The following NTN4 variants were observed in gnomAD, a reference collection of about 807,000 sequenced individuals.
NTN4 encodes netrin 4.
In NTN4, 32 loss-of-function variants were observed where a neutral mutation model predicts 73.6. The ratio of observed to expected loss-of-function variants is 0.44; its 90% CI spans 0.33 to 0.58. The LOEUF is 0.58. NTN4 is among the 20% of genes least tolerant of loss of function. The probability of loss-of-function intolerance (pLI) is 0.04; values close to 1 mark genes in which losing one functional copy is unlikely to be tolerated. For missense variants in NTN4, 654 were observed against 798.3 expected (o/e 0.82, Z 2.18); for synonymous variants, 258 against 287.5 (o/e 0.90, Z 1.04).
chr12:95,789,663 G>A lies in NTN4; in HGVS notation c.55+592C>T, dbSNP rs956934331. ...CTGCCAGGGTACCAATTCCCCAGGG[G>A]CGGCCAGCCAGCTCAATGCAAGCCC... On this transcript the variant is annotated intron_variant, in intron 1 of 9. Coordinates refer to ENST00000343702, the MANE Select transcript of NTN4 (RefSeq NM_021229.4). The surrounding 1 kb of genome is among the most constrained non-coding windows in gnomAD (Gnocchi z 4.0). 6.6e-6 allele frequency: 1 copy of A among 152,656 alleles called. No homozygotes were observed. The allele number at this position is 152,656 out of a possible 1,614,324, so 9.5% of individuals were successfully genotyped here. A position where few individuals can be genotyped will look rare whatever the true frequency, so the allele number is the denominator to read the frequency against.
At chr12:95,739,698 A>G (rs762133248) in intron 2 of NTN4, among the ~76,000 whole-genome samples, 17 of 152,208 alleles carry the variant, frequency 1.1e-4, no homozygotes, top group Non-Finnish European at 2.1e-4. Context: ...ATGCAAGGAC[A>G]TGGAAAAGGA....
At chr12:95,718,521 T>C (rs922094595) in intron 3 of NTN4, among the ~76,000 whole-genome samples, 1 of 152,230 alleles carries the variant, frequency 6.6e-6, no homozygotes, top group African/African-American at 2.4e-5. Context: ...TTTCTCTGTA[T>C]TGTAAATACT....
rs1243340571 is a variant in NTN4 at position 95,789,508 on chromosome 12, G to C, written c.55+747C>G. Among the ~76,000 whole-genome samples the C allele has an allele frequency of 6.6e-6, 1 of 152,216 alleles. No homozygotes were observed. Among genetic ancestry groups the C allele is most frequent in the Non-Finnish European group, 1.5e-5 (1 of 68,030 alleles). ...CGAATACAGAAACCACGAGCCAGGA[G>C]CCGGTGGCCTAGGGCAGCCCAAGAA... On this transcript the variant is annotated intron_variant, in intron 1 of 9. Transcript: ENST00000343702. This position sits in a 1 kb window ranked among gnomAD's most constrained non-coding sequence, Gnocchi z 4.0.
chr12:95,784,737 A>AAGATTGT (rs2079155746), intron 2 of NTN4, among the ~76,000 whole-genome samples: 1 of 152,104 alleles, frequency 6.6e-6, no homozygotes, highest in African/African-American at 2.4e-5. Context: ...ACTGCACTCC[A>AAGATTGT]GCCTGGGTGA....
chr12:95,682,056 G>GATTTT (rs1349857597), intron 7 of NTN4, among the ~76,000 whole-genome samples: 12 of 37,962 alleles, frequency 3.2e-4, no homozygotes, highest in African/African-American at 1.4e-3. Flanking sequence ...TATTCAGTAG[G>GATTTT]CTTTTTTTTT....
At chr12:95,771,029 G>T (rs1476004264) in intron 2 of NTN4, among the ~76,000 whole-genome samples, 1 of 131,554 alleles carries the variant, frequency 7.6e-6, no homozygotes, top group Non-Finnish European at 1.6e-5. Context: ...TCGCTCTGTC[G>T]CCCAGGCTGG....
At position 95,659,041 on chromosome 12, in the gene NTN4, G is replaced by T; in HGVS notation, c.*45C>A. On this transcript the variant is annotated 3_prime_UTR_variant, in exon 10 of 10. Coordinates refer to ENST00000343702, the MANE Select transcript of NTN4 (RefSeq NM_021229.4). ...GAGGTCTTCTTGCTCTAAAGTTTGT[G>T]TTTTGTACATAGACAAGTGCCATTA... is the stretch of plus-strand genomic sequence containing the variant. 6.5e-7 allele frequency: 1 copy of T among 1,543,696 alleles called. No homozygotes were observed.
intron 2 of NTN4, among the ~76,000 whole-genome samples, chr12:95,750,678 T>C (rs935713223): frequency 1.3e-5 from 2 of 152,168 alleles, no homozygotes; most frequent in African/African-American, 2.4e-5. Flanking sequence ...CCCTCCCGCC[T>C]GTCCCCTCAG....
intron 7 of NTN4, among the ~76,000 whole-genome samples, chr12:95,678,114 C>G (rs2078287390): frequency 6.6e-6 from 1 of 151,650 alleles, no homozygotes; most frequent in Non-Finnish European, 1.5e-5. Context: ...TATATTCTCA[C>G]TTATAAGTGG....
At chr12:95,776,580 G>A (rs967398406) in intron 2 of NTN4, among the ~76,000 whole-genome samples, 1 of 152,124 alleles carries the variant, frequency 6.6e-6, no homozygotes, top group Admixed American at 6.5e-5. Flanking sequence ...GATCAAATGA[G>A]TGAAATGAAG....
chr12:95,712,787 C>CTTTTTTTTTTTTTTT (rs35614636), intron 4 of NTN4, among the ~76,000 whole-genome samples: 8 of 105,732 alleles, frequency 7.6e-5, no homozygotes, highest in Admixed American at 1.1e-4. Context: ...TTCTTTCTTT[C>CTTTTTTTTTTTTTTT]TTTTTTTTTT....
chr12:95,659,278 A>C (rs761236860), intron 9 of NTN4, 56 bp from the exon 10 acceptor site: 1 of 1,348,788 alleles, frequency 7.4e-7, no homozygotes. Flanking sequence ...GAAGGGAGAG[A>C]TGTGACTCCA....
At chr12:95,738,344 C>T (rs1195025573) in intron 2 of NTN4, among the ~76,000 whole-genome samples, 200 bp from the exon 3 acceptor site, 1 of 152,182 alleles carries the variant, frequency 6.6e-6, no homozygotes, top group Non-Finnish European at 1.5e-5. Flanking sequence ...TGTTTGTACA[C>T]AGAAGTATAC....
At chr12:95,716,752 G>A (rs1243379578) in intron 3 of NTN4, among the ~76,000 whole-genome samples, 1 of 151,962 alleles carries the variant, frequency 6.6e-6, no homozygotes, top group Non-Finnish European at 1.5e-5. Flanking sequence ...AGTTACATCA[G>A]CATGTTAATT....
At chr12:95,680,544 T>A (rs1458870695) in intron 7 of NTN4, among the ~76,000 whole-genome samples, 1 of 152,234 alleles carries the variant, frequency 6.6e-6, no homozygotes, top group Non-Finnish European at 1.5e-5. Flanking sequence ...AAGAGAACAT[T>A]TACGGCAGTG....
At chr12:95,725,917 A>G (rs1427547683) in intron 3 of NTN4, among the ~76,000 whole-genome samples, 1 of 152,224 alleles carries the variant, frequency 6.6e-6, no homozygotes, top group Non-Finnish European at 1.5e-5. Flanking sequence ...AACAACAGCC[A>G]CAGCTATTGA....
Position 95,790,662 on chromosome 12 carries a change from C to A in NTN4, c.-353G>T. ...CGCCCGCAGCCGCCGCTGAACTTTG[C>A]GAGACCTTTCACTTCCCGGCCGCCG... On this transcript the variant is annotated 5_prime_UTR_variant, in exon 1 of 10. Transcript: ENST00000343702. This position sits in a 1 kb window ranked among gnomAD's most constrained non-coding sequence, Gnocchi z 6.5. 5.6e-6 allele frequency: 1 copy of A among 178,836 alleles called. No individual in the cohort carries two copies. Among genetic ancestry groups the A allele is most frequent in the Non-Finnish European group, 1.2e-5 (1 of 85,922 alleles). The allele number at this position is 178,836 out of a possible 1,614,324, so 11.1% of individuals were successfully genotyped here.
At chr12:95,709,103 T>G (rs1158428941) in intron 5 of NTN4, among the ~76,000 whole-genome samples, 1 of 152,262 alleles carries the variant, frequency 6.6e-6, no homozygotes, top group African/African-American at 2.4e-5. Context: ...AATTGCACAT[T>G]GATATCTTCT....
At chr12:95,724,162 A>G (rs916073529) in intron 3 of NTN4, among the ~76,000 whole-genome samples, 3 of 152,166 alleles carry the variant, frequency 2.0e-5, no homozygotes, top group Non-Finnish European at 2.9e-5. Context: ...ATCATCACGC[A>G]CTTTATCTTC....
Sources: allele counts gnomAD v4.1 joint callset (sites outside exome capture counted in the v4.1 genomes callset), GRCh38; gene constraint gnomAD v4.1.1; non-coding constraint Gnocchi (gnomAD v3.1); transcripts MANE v1.5; gene names NCBI Gene and HGNC (gene_info 2026-07-23, HGNC 2026-07-21).